Variants in USP54 observed in about 807,000 individuals in gnomAD.
The protein encoded by USP54 is ubiquitin carboxyl-terminal hydrolase 54.
In USP54, 87 loss-of-function variants were observed where a neutral mutation model predicts 170.5. That is an observed-to-expected ratio of 0.51 (90% confidence interval 0.43 to 0.61). The LOEUF (loss-of-function observed/expected upper bound fraction) is 0.61. Among genes scored for constraint, USP54 ranks in the 20% least tolerant of loss-of-function variants. USP54 has a pLI of 0.00. For missense variants in USP54, 1,786 were observed against 2,047.8 expected (o/e 0.87, Z 2.47); for synonymous variants, 655 against 742.8 (o/e 0.88, Z 1.92).
rs567058370 is a variant in USP54, at chr10:73,533,243, T to C, written c.1315+1357A>G. The stretch of plus-strand genomic sequence containing the variant: ...ATGGCATGAACCTGGGAGGTGGAGA[T>C]TGCAGTGAGCCAAGATCGTGCCACT... On this transcript the variant is annotated intron_variant, in intron 12 of 23. Transcript: ENST00000687698. Among the ~76,000 whole-genome samples the C allele has an allele frequency of 3.9e-3, 593 of 151,992 alleles. 10 individuals are homozygous for C. The highest frequency in any genetic ancestry group is 0.014 in the African/African-American group (561 of 41,474).
chr10:73,606,878 C>CAAAAA (rs200071977), intron 1 of USP54, among the ~76,000 whole-genome samples: 6 of 55,866 alleles, frequency 1.1e-4, no homozygotes, highest in Admixed American at 2.0e-4. Context: ...GACAATATCT[C>CAAAAA]AAAAAAAAAA....
intron 20 of USP54, among the ~76,000 whole-genome samples, chr10:73,512,530 T>G (rs1021124498): frequency 1.3e-5 from 2 of 151,598 alleles, no homozygotes; most frequent in African/African-American, 4.8e-5. Context: ...TTTTAAGAGA[T>G]AGGGTCTCAC....
chr10:73,553,597 G>C (rs1290017750), intron 4 of USP54, among the ~76,000 whole-genome samples: 1 of 152,188 alleles, frequency 6.6e-6, no homozygotes, highest in African/African-American at 2.4e-5. Context: ...GTAAGAACAG[G>C]TGGCAGCACC....
intron 12 of USP54, among the ~76,000 whole-genome samples, chr10:73,531,443 G>C (rs1399708242): frequency 1.3e-5 from 2 of 152,120 alleles, no homozygotes; most frequent in Non-Finnish European, 2.9e-5. Flanking sequence ...AAAGGCAAAA[G>C]TTTTAAAGAT....
intron 4 of USP54, among the ~76,000 whole-genome samples, chr10:73,567,075 C>T (rs1048038603): frequency 1.3e-5 from 2 of 151,756 alleles, no homozygotes; most frequent in African/African-American, 4.8e-5. Context: ...GATAGGGTTT[C>T]GCCATCTTGG....
At chr10:73,624,372 A>AT (rs1014266596) in intron 1 of USP54, 2 of 89,558 alleles carry the variant, frequency 2.2e-5, no homozygotes, top group African/African-American at 4.5e-5. Context: ...TAATTTTTAT[A>AT]TTTTTTTAGT....
upstream of USP54, among the ~76,000 whole-genome samples, chr10:73,595,153 T>TGACCTCAGGTGATCCACC (rs368210594): frequency 0.086 from 12,992 of 151,792 alleles, 837 homozygotes; most frequent in African/African-American, 0.18. Flanking sequence ...CTCAAACTCC[T>TGACCTCAGGTGATCCACC]GACCTCAGGT....
At chr10:73,587,164 C>G (rs1262202481) in intron 1 of USP54, among the ~76,000 whole-genome samples, 1 of 152,000 alleles carries the variant, frequency 6.6e-6, no homozygotes, top group Non-Finnish European at 1.5e-5. Context: ...GTAGAAAGAA[C>G]ATAGTGGTTA....
intron 12 of USP54, among the ~76,000 whole-genome samples, chr10:73,531,530 A>G (rs1010733898): frequency 7.9e-5 from 12 of 152,250 alleles, no homozygotes; most frequent in Admixed American, 3.9e-4. Context: ...TTTATTTAGC[A>G]ACACATATCA....
rs1423233999 is a variant in USP54, at chr10:73,517,371, C to T, written c.3055G>A (p.Gly1019Ser). 4 of 1,613,318 alleles carry T rather than the reference C, an allele frequency of 2.5e-6. No individual in the cohort carries two copies. Among genetic ancestry groups the T allele is most frequent in the Non-Finnish European group, 3.4e-6 (4 of 1,179,656 alleles). The change falls in exon 20 of 24, where the codon GGC becomes AGC. Residue 1019 changes from glycine (G) to serine (S), a missense_variant. Gly to Ser is a moderately conservative substitution (Grantham distance 56, BLOSUM62 0). This residue lies in a region of USP54 where 1,418 missense variants were observed against 1,569.0 expected (regional missense o/e 0.90). Coordinates refer to ENST00000687698, the MANE Select transcript of USP54 (RefSeq NM_001391956.1). ...CSKLPPQEGRGIAQEQLFQEK... is the reference protein window; with the variant it reads ...CSKLPPQEGRSIAQEQLFQEK... ...TGGAACAGCTGTTCTTGAGCAATGC[C>T]TCTTCCTTCTTGTGGAGGGAGCTTG...
intron 4 of USP54, 107 bp from the exon 5 acceptor site, chr10:73,545,779 A>C (rs2067656816): frequency 1.5e-6 from 2 of 1,336,072 alleles, no homozygotes; most frequent in Middle Eastern, 4.0e-4. Flanking sequence ...TATGAAACCA[A>C]ATGTGCTTCC....
chr10:73,604,223 G>A (rs556276841), intron 1 of USP54, among the ~76,000 whole-genome samples: 1 of 152,080 alleles, frequency 6.6e-6, no homozygotes, highest in African/African-American at 2.4e-5. Flanking sequence ...ACTCCAGCCT[G>A]GGCGACAGAG....
chr10:73,581,912 G>C (rs1361952387), intron 1 of USP54, among the ~76,000 whole-genome samples: 1 of 152,174 alleles, frequency 6.6e-6, no homozygotes, highest in African/African-American at 2.4e-5. Context: ...ACCTCTAGAA[G>C]CTGGTGACCT....
intron 22 of USP54, among the ~76,000 whole-genome samples, chr10:73,503,916 A>T (rs963509662): frequency 1.3e-5 from 2 of 152,060 alleles, no homozygotes; most frequent in Non-Finnish European, 1.5e-5. Flanking sequence ...TATTTTTGCC[A>T]TGTTGGCCAG....
intron 4 of USP54, among the ~76,000 whole-genome samples, chr10:73,547,473 C>T (rs903341375): frequency 6.6e-6 from 1 of 152,188 alleles, no homozygotes; most frequent in South Asian, 2.1e-4. Context: ...CGCTATCTGA[C>T]TTCAAACTAT....
intron 10 of USP54, among the ~76,000 whole-genome samples, chr10:73,536,897 C>T (rs2065325297): frequency 6.6e-6 from 1 of 152,232 alleles, no homozygotes; most frequent in Admixed American, 6.5e-5. Flanking sequence ...CTTTCACAGA[C>T]TGCCTTAGAA....
rs1354030902 is a variant in USP54 at position 73,536,356 on chromosome 10, G to A, written c.1057C>T (p.Gln353Ter). ...QPLLLLYADP[Q>*]GTPVSTQDLP... ...TCCTGGGTGGAAACTGGGGTACCCT[G>A]GGGATCTGCATAAAGCAGCAGCAGG... The change falls in exon 11 of 24, where the codon CAG becomes TAG. Residue 353 changes from glutamine to a stop codon, truncating the protein, a stop_gained. Coordinates refer to ENST00000687698, the MANE Select transcript of USP54 (RefSeq NM_001391956.1). LOFTEE classifies it high-confidence loss of function. The A allele has an allele frequency of 6.2e-7, 1 of 1,613,664 alleles. No homozygotes were observed. Among genetic ancestry groups the A allele is most frequent in the Non-Finnish European group, 8.5e-7 (1 of 1,179,768 alleles).
At chr10:73,521,055 A>G (rs1300073634) in intron 17 of USP54, 28 bp from the exon 18 acceptor site, 2 of 1,611,638 alleles carry the variant, frequency 1.2e-6, no homozygotes, top group Non-Finnish European at 1.7e-6. Flanking sequence ...TTTCATTTTC[A>G]TTACAATTCA....
At chr10:73,581,565 G>C (rs934335127) in intron 1 of USP54, among the ~76,000 whole-genome samples, 1 of 152,124 alleles carries the variant, frequency 6.6e-6, no homozygotes, top group African/African-American at 2.4e-5. Context: ...CTTAAAGGAG[G>C]CCCTCTGAAT....
Sources: allele counts gnomAD v4.1 joint callset (sites outside exome capture counted in the v4.1 genomes callset), GRCh38; gene constraint gnomAD v4.1.1; regional missense constraint gnomAD v4.1.1; transcripts MANE v1.5; gene names NCBI Gene and HGNC (gene_info 2026-07-23, HGNC 2026-07-21).